CNOT10: variants seen among roughly 807,000 people sequenced by gnomAD.
The protein encoded by CNOT10 is CCR4-NOT transcription complex, subunit 10.
In CNOT10, 30 loss-of-function variants were observed where a neutral mutation model predicts 94.6. The observed-to-expected ratio is 0.32, with a 90% CI of 0.24 to 0.43. CNOT10 has a LOEUF of 0.43. Ranked by LOEUF, CNOT10 falls within the 20% of genes least tolerant of loss-of-function variation. The pLI is 1.00. For synonymous variants in CNOT10, 289 were observed against 301.6 expected (o/e 0.96, Z 0.43); for missense variants, 759 against 877.2 (o/e 0.87, Z 1.70).
intron 12 of CNOT10, among the ~76,000 whole-genome samples, chr3:32,736,627 T>G (rs1301660826): frequency 1.3e-5 from 2 of 151,922 alleles, no homozygotes; most frequent in East Asian, 3.9e-4. Context: ...ATAAAAAAAT[T>G]AGTTGAGTGT....
intron 1 of CNOT10, among the ~76,000 whole-genome samples, chr3:32,696,213 G>A (rs112720932): frequency 0.019 from 2,946 of 152,110 alleles, 45 homozygotes; most frequent in East Asian, 0.047. Flanking sequence ...CTACTCAGGA[G>A]GCTGAGGCAG....
Position 32,709,624 on chromosome 3 carries a change from T to C in CNOT10, c.430+804T>C, listed in dbSNP as rs146105805. Among the ~76,000 whole-genome samples, 435 of 152,264 alleles carry C rather than the reference T, an allele frequency of 2.9e-3. 2 individuals carry two copies. The highest frequency in any genetic ancestry group is 5.0e-3 in the Non-Finnish European group (339 of 68,022). On this transcript the variant is annotated intron_variant, in intron 4 of 18. Transcript: ENST00000328834. ...TGATTACTATGGCTCCAGAGACCCA[T>C]TCTGAGGTGCTTCTCTTCTTTCCCT...
In CNOT10 at chr3:32,743,976, G is replaced by A. The variant is rs1042609234; in HGVS notation, c.1595+6486G>A. Among the ~76,000 whole-genome samples, 8 of 152,126 alleles carry A rather than the reference G, an allele frequency of 5.3e-5. No individual in the cohort carries two copies. In the South Asian group the frequency reaches 1.0e-3, roughly 20 times the overall value. ...TTTTTCTTCTGGAGCAGATGGGAGG[G>A]AGAAAGGAAACAGTACAAGATGGAA... On this transcript the variant is annotated intron_variant, in intron 13 of 18. Coordinates refer to ENST00000328834, the MANE Select transcript of CNOT10 (RefSeq NM_015442.3).
At chr3:32,708,092 T>A (rs1025605273) in intron 3 of CNOT10, among the ~76,000 whole-genome samples, 1 of 151,956 alleles carries the variant, frequency 6.6e-6, no homozygotes, top group African/African-American at 2.4e-5. Flanking sequence ...AGAGACGGGG[T>A]TCACCATGTT....
intron 11 of CNOT10, among the ~76,000 whole-genome samples, chr3:32,734,366 A>G (rs1030895479): frequency 6.6e-6 from 1 of 152,194 alleles, no homozygotes; most frequent in Non-Finnish European, 1.5e-5. Flanking sequence ...TGGTGTTTCA[A>G]AGTGTATAGA....
At chr3:32,716,886 G>A (rs111987192) in intron 6 of CNOT10, among the ~76,000 whole-genome samples, 3,353 of 152,252 alleles carry the variant, frequency 0.022, 50 homozygotes, top group East Asian at 0.048. Flanking sequence ...CTGACCTCAG[G>A]TGATCCACCT....
intron 18 of CNOT10, among the ~76,000 whole-genome samples, chr3:32,773,038 G>T (rs138636301): frequency 0.043 from 6,554 of 152,148 alleles, 239 homozygotes; most frequent in Admixed American, 0.1. Context: ...GCTAATTTTT[G>T]TATTTTTTTG....
chr3:32,690,581 C>G (rs994428170), intron 1 of CNOT10, among the ~76,000 whole-genome samples: 4 of 151,616 alleles, frequency 2.6e-5, no homozygotes, highest in Non-Finnish European at 1.5e-5. Context: ...GAGTCTCGCT[C>G]TGTTGCCCAG....
chr3:32,734,963 A>G lies in CNOT10; in HGVS notation c.1501A>G (p.Ser501Gly). 5.0e-6 allele frequency: 8 copies of G among 1,613,262 alleles called. No individual in the cohort carries two copies. The highest frequency in any genetic ancestry group is 6.8e-6 in the Non-Finnish European group (8 of 1,179,392). Residue 501 changes from serine (S) to glycine (G), a missense_variant, in exon 12 of 19, where the codon AGT becomes GGT. Ser to Gly is a moderately conservative substitution (Grantham distance 56). This residue lies in a region of CNOT10 where 682 missense variants were observed against 799.4 expected (regional missense o/e 0.85). Coordinates refer to ENST00000328834, the MANE Select transcript of CNOT10 (RefSeq NM_015442.3). ...LGGNTESSES[S>G]ETCSSKSHDG... ...TGGGAACACAGAGAGCAGCGAAAGC[A>G]GTGAAACTTGCAGGTATTCTAATCC...
At chr3:32,696,491 G>A (rs150711677) in intron 1 of CNOT10, among the ~76,000 whole-genome samples, 1 of 152,248 alleles carries the variant, frequency 6.6e-6, no homozygotes, top group East Asian at 1.9e-4. Context: ...ATAATGGTTC[G>A]TTAACATGTA....
At chr3:32,691,462 A>G (rs1259144414) in intron 1 of CNOT10, among the ~76,000 whole-genome samples, 1 of 151,780 alleles carries the variant, frequency 6.6e-6, no homozygotes, top group Non-Finnish European at 1.5e-5. Context: ...GTGCCTGGCC[A>G]TGCCCAGCTA....
Position 32,691,801 on chromosome 3 carries a change from A to G in CNOT10, c.22+6319A>G, listed in dbSNP as rs181268663. On this transcript the variant is annotated intron_variant, in intron 1 of 18. Transcript: ENST00000328834. ...CCAGGCATGGCGCCTCACGCCTGTA[A>G]TCCCAGCACTTTGGGAGTCTGAGGT... Among the ~76,000 whole-genome samples the G allele has an allele frequency of 8.4e-4, 128 of 152,288 alleles. 1 individual carries two copies. The highest frequency in any genetic ancestry group is 1.5e-3 in the Admixed American group (23 of 15,292).
intron 11 of CNOT10, among the ~76,000 whole-genome samples, chr3:32,734,466 C>T (rs1699092328): frequency 6.6e-6 from 1 of 152,190 alleles, no homozygotes; most frequent in African/African-American, 2.4e-5. Flanking sequence ...GTATACCTCT[C>T]CTTGCCCTCA....
chr3:32,770,103 C>T (rs977868594), intron 18 of CNOT10, 141 bp downstream of exon 18: 30 of 625,416 alleles, frequency 4.8e-5, no homozygotes, highest in African/African-American at 4.4e-4. Context: ...AACTCCTAGG[C>T]TCAAGCAGCC....
At chr3:32,721,210 C>A in intron 8 of CNOT10, among the ~76,000 whole-genome samples, 1 of 150,550 alleles carries the variant, frequency 6.6e-6, no homozygotes, top group East Asian at 2.0e-4. Context: ...ACTACAGGCA[C>A]GCACCACCAT....
intron 1 of CNOT10, among the ~76,000 whole-genome samples, chr3:32,690,292 C>G (rs1696793296): frequency 6.6e-6 from 1 of 152,098 alleles, no homozygotes; most frequent in South Asian, 2.1e-4. Context: ...TTCAGCTTTC[C>G]TGCGTGTAGA....
intron 10 of CNOT10, among the ~76,000 whole-genome samples, chr3:32,731,928 AT>A (rs1203758609): frequency 8.2e-4 from 124 of 152,098 alleles, no homozygotes; most frequent in African/African-American, 2.8e-3. Context: ...AATACAAAAA[AT>A]TAGCCAGGTT....
chr3:32,755,867 C>A (rs1410225496), intron 13 of CNOT10, among the ~76,000 whole-genome samples: 1 of 151,304 alleles, frequency 6.6e-6, no homozygotes, highest in Non-Finnish European at 1.5e-5. Flanking sequence ...TTTGTCAGAT[C>A]CTCCACAGGG....
At chr3:32,750,653 G>A (rs1467973628) in intron 13 of CNOT10, among the ~76,000 whole-genome samples, 6 of 151,770 alleles carry the variant, frequency 4.0e-5, no homozygotes, top group African/African-American at 1.5e-4. Context: ...CTGGGTTCAA[G>A]CGATTCTCCT....
Sources: allele counts gnomAD v4.1 joint callset (sites outside exome capture counted in the v4.1 genomes callset), GRCh38; gene constraint gnomAD v4.1.1; regional missense constraint gnomAD v4.1.1; transcripts MANE v1.5; gene names NCBI Gene and HGNC (gene_info 2026-07-23, HGNC 2026-07-21).